MMP17: variants seen among roughly 807,000 people sequenced by gnomAD.
MMP17 encodes matrix metalloproteinase-17.
MMP17 carries 54 observed loss-of-function variants against 49.1 expected under a neutral mutation model. That is an observed-to-expected ratio of 1.10 (90% CI 0.88 to 1.38). MMP17 has a LOEUF of 1.38. Among genes scored for constraint, MMP17 ranks in the 40% most tolerant of loss-of-function variants. The pLI, the probability that MMP17 is intolerant of heterozygous loss-of-function variation, is 0.00. For synonymous variants in MMP17, 397 were observed against 383.1 expected (o/e 1.04, Z -0.42); for missense variants, 837 against 853.7 (o/e 0.98, Z 0.24).
At chr12:131,831,395 T>C (rs914145415) in intron 1 of MMP17, among the ~76,000 whole-genome samples, 4 of 152,120 alleles carry the variant, frequency 2.6e-5, no homozygotes, top group African/African-American at 7.2e-5. Context: ...TGTGGGATGC[T>C]GGGCCAGATG....
rs750326609 is a variant in MMP17 at position 131,851,297 on chromosome 12, G to T, written c.*23G>T. Reference sequence around the variant, plus strand: ...TGACACACAGCGCGAGCCCATGAGAGGACAGAGGCGGTGGGACAGCCTGGC... The same window carrying T: ...TGACACACAGCGCGAGCCCATGAGATGACAGAGGCGGTGGGACAGCCTGGC... On this transcript the variant is annotated 3_prime_UTR_variant, in exon 10 of 10. Transcript: ENST00000360564. 14 of 1,369,376 alleles carry T rather than the reference G, an allele frequency of 1.0e-5. No homozygotes were observed. In the African/African-American group the frequency reaches 1.8e-4, roughly 18 times the overall value. The allele number at this position is 1,369,376 out of a possible 1,614,324, so 84.8% of individuals were successfully genotyped here. A position where few individuals can be genotyped will look rare whatever the true frequency, so the allele number is the denominator to read the frequency against.
intron 1 of MMP17, 53 bp from the exon 2 acceptor site, chr12:131,838,142 T>TGG: frequency 6.5e-7 from 1 of 1,527,082 alleles, no homozygotes; most frequent in Admixed American, 2.1e-5. Flanking sequence ...GGCTTCTCAC[T>TGG]GGGTAGGACC....
chr12:131,834,419 C>A (rs1290482892), intron 1 of MMP17, among the ~76,000 whole-genome samples: 1 of 152,190 alleles, frequency 6.6e-6, no homozygotes, highest in East Asian at 1.9e-4. Flanking sequence ...AGAGGGAGGA[C>A]CAGGCGGCGG....
rs751283897 is a variant in MMP17 at position 131,845,179 on chromosome 12, G to T, written c.1030G>T (p.Gly344Cys). The T allele has an allele frequency of 6.2e-7, 1 of 1,614,058 alleles. No homozygotes were observed. Among genetic ancestry groups the T allele is most frequent in the Non-Finnish European group, 8.5e-7 (1 of 1,179,948 alleles). ...THFDAVAQIR[G>C]EAFFFKGKYF... ...CTTTGACGCGGTGGCCCAGATCCGG[G>T]GTGAAGCTTTCTTCTTCAAAGGTAC... The change falls in exon 7 of 10, where the codon GGT (glycine) becomes TGT (cysteine). Residue 344 changes from glycine (G) to cysteine (C), a missense_variant. Gly to Cys is a radical substitution (Grantham distance 159, BLOSUM62 -3). Transcript: ENST00000360564.
Position 131,846,136 on chromosome 12 carries a change from GA to G in MMP17, c.1204+690del, listed in dbSNP as rs1241740824. Reference sequence around the variant, plus strand: ...AGGACAGAGACCCCCATGCTGGGCTGAAACACCCGGAGTTTCCCTCACAGTC... The same window carrying G: ...AGGACAGAGACCCCCATGCTGGGCTGAACACCCGGAGTTTCCCTCACAGTC... On this transcript the variant is annotated intron_variant, in intron 8 of 9. Coordinates refer to ENST00000360564, the MANE Select transcript of MMP17 (RefSeq NM_016155.7). The surrounding 1 kb of genome is among the most constrained non-coding windows in gnomAD (Gnocchi z 4.6). 6.6e-6 allele frequency among the ~76,000 whole-genome samples: 1 copy of G among 152,182 alleles called. No homozygotes were observed. The highest frequency in any genetic ancestry group is 1.5e-5 in the Non-Finnish European group (1 of 68,024).
intron 4 of MMP17, 26 bp downstream of exon 4, chr12:131,840,882 A>C: frequency 6.4e-7 from 1 of 1,554,646 alleles, no homozygotes; most frequent in Middle Eastern, 1.7e-4. Flanking sequence ...CCCTCAGGGC[A>C]GAGTCAGGAG....
chr12:131,849,876 C>T lies in MMP17; in HGVS notation c.1279C>T (p.Pro427Ser), dbSNP rs1255143525. 1 of 1,614,054 alleles carries T rather than the reference C, an allele frequency of 6.2e-7. No homozygotes were observed. Among genetic ancestry groups the T allele is most frequent in the Admixed American group, 1.7e-5 (1 of 60,020 alleles). Reference protein sequence around the residue: ...YPRPVSDFSLPPGGIDAAFSW... With the variant: ...YPRPVSDFSLSPGGIDAAFSW... ...GCGCCCCGTCTCCGACTTCAGCCTC[C>T]CGCCTGGCGGCATCGACGCTGCCTT... The change falls in exon 9 of 10, where the codon CCG (proline) becomes TCG (serine). Residue 427 changes from proline to serine, a missense_variant. By Grantham distance (74) the Pro-to-Ser change is moderately conservative. Transcript: ENST00000360564.
At chr12:131,834,188 G>T (rs187472497) in intron 1 of MMP17, among the ~76,000 whole-genome samples, 1 of 152,284 alleles carries the variant, frequency 6.6e-6, no homozygotes, top group Admixed American at 6.5e-5. Flanking sequence ...GAGAGCGGCC[G>T]CCTCTCCTAG....
intron 1 of MMP17, among the ~76,000 whole-genome samples, chr12:131,836,783 G>A (rs767812449): frequency 7.2e-5 from 11 of 152,300 alleles, no homozygotes; most frequent in South Asian, 4.1e-4. Context: ...CCCTGGGCTG[G>A]CGAGTATCCA....
At chr12:131,844,127 C>G (rs866939394) in intron 6 of MMP17, 46 bp downstream of exon 6, 1 of 1,465,918 alleles carries the variant, frequency 6.8e-7, no homozygotes, top group Non-Finnish European at 9.3e-7. Context: ...TCTGTCTGTC[C>G]TCATCCCTGT....
chr12:131,840,521 G>C, intron 3 of MMP17, 52 bp from the exon 4 acceptor site: 1 of 1,521,172 alleles, frequency 6.6e-7, no homozygotes, highest in South Asian at 1.2e-5. Context: ...CCTCGGCCTG[G>C]GGCACGTGGC....
At chr12:131,848,916 G>A (rs886994392) in intron 8 of MMP17, among the ~76,000 whole-genome samples, 1 of 152,204 alleles carries the variant, frequency 6.6e-6, no homozygotes, top group African/African-American at 2.4e-5. Context: ...GGTTCTTTTG[G>A]ATTTATACCC....
intron 1 of MMP17, among the ~76,000 whole-genome samples, chr12:131,831,081 C>T (rs1323035402): frequency 1.3e-5 from 2 of 152,180 alleles, no homozygotes; most frequent in Admixed American, 6.5e-5. Context: ...CAGCTTCGCA[C>T]GCTATCTGGA....
intron 5 of MMP17, 67 bp from the exon 6 acceptor site, chr12:131,843,930 G>A: frequency 1.7e-6 from 2 of 1,187,032 alleles, no homozygotes; most frequent in Non-Finnish European, 2.4e-6. Context: ...ATTCAGAAGG[G>A]CTGGTGGGAT....
In MMP17 at chr12:131,841,661, C is replaced by T. The variant is rs74716970; in HGVS notation, c.744C>T (p.His248=). ...TGGACCTGTTTGCAGTGGCTGTCCACGAGTTTGGCCACGCCATTGGGTTAA... is the reference window on the plus strand; with the variant it reads ...TGGACCTGTTTGCAGTGGCTGTCCATGAGTTTGGCCACGCCATTGGGTTAA... ...HGMDLFAVAV[H]EFGHAIGLSH... is the part of the protein sequence containing the mutation. The change falls in exon 5 of 10, where the codon CAC becomes CAT. Residue 248 remains histidine, a synonymous_variant. Coordinates refer to ENST00000360564, the MANE Select transcript of MMP17 (RefSeq NM_016155.7). 4.4e-3 allele frequency: 7,071 copies of T among 1,614,054 alleles called. 17 individuals are homozygous for T. Among genetic ancestry groups the T allele is most frequent in the Non-Finnish European group, 5.2e-3 (6,182 of 1,180,006 alleles).
chr12:131,850,330 G>T (rs1887911199), intron 9 of MMP17, among the ~76,000 whole-genome samples: 1 of 152,088 alleles, frequency 6.6e-6, no homozygotes, highest in African/African-American at 2.4e-5. Flanking sequence ...CTGCCCCAGG[G>T]CCTTGGCACT....
rs527314582 is a variant in MMP17, at chr12:131,840,233, C to T, written c.423-340C>T. The T allele has an allele frequency of 1.1e-4, 30 of 265,764 alleles. 1 individual carries two copies. The East Asian group carries it at 1.6e-3, about 14-fold the overall frequency. The allele number at this position is 265,764 out of a possible 1,614,324, so 16.5% of individuals were successfully genotyped here. ...CTGGCTAGTGTGAGGGCTGGTGAAC[C>T]GAGAGAGCCCCTTCAGTGGGGAGCA... On this transcript the variant is annotated intron_variant, in intron 3 of 9. Transcript: ENST00000360564.
rs1462560003 is a variant in MMP17, at chr12:131,846,110, CA to C, written c.1204+662del. Among the ~76,000 whole-genome samples, 4 of 152,176 alleles carry C rather than the reference CA, an allele frequency of 2.6e-5. No individual in the cohort carries two copies. In the East Asian group the frequency reaches 7.7e-4, roughly 29 times the overall value. ...GGGGCAGGTGGGGGTGGCAGGGCTG[CA>C]GGACAGAGACCCCCATGCTGGGCTG... is the stretch of plus-strand genomic sequence containing the variant. On this transcript the variant is annotated intron_variant, in intron 8 of 9. Coordinates refer to ENST00000360564, the MANE Select transcript of MMP17 (RefSeq NM_016155.7). The surrounding 1 kb of genome is among the most constrained non-coding windows in gnomAD (Gnocchi z 4.6).
At chr12:131,830,602 C>T (rs899067773) in intron 1 of MMP17, among the ~76,000 whole-genome samples, 5 of 152,192 alleles carry the variant, frequency 3.3e-5, no homozygotes, top group African/African-American at 1.2e-4. Context: ...GGGATCTGGG[C>T]GGGAGCGGGG....
Sources: gnomAD v4.1 joint callset for allele counts (sites outside exome capture counted in the v4.1 genomes callset) on GRCh38, gnomAD v4.1.1 for gene constraint, Gnocchi (gnomAD v3.1) non-coding constraint, MANE v1.5 for transcripts, NCBI Gene and HGNC (gene_info 2026-07-23, HGNC 2026-07-21) for gene names.